The following ARAP2 variants were observed in gnomAD, a reference collection of about 807,000 sequenced individuals.
The protein encoded by ARAP2 is arf-GAP with Rho-GAP domain, ANK repeat and PH domain-containing protein 2.
ARAP2 carries 148 observed loss-of-function variants against 194.5 expected under a neutral mutation model. The ratio of observed to expected loss-of-function variants is 0.76; its 90% CI spans 0.67 to 0.87. The LOEUF (loss-of-function observed/expected upper bound fraction) is 0.87, where lower values mean the gene tolerates loss of function less well. Ranked by LOEUF, ARAP2 falls within the 40% of genes least tolerant of loss-of-function variation. The pLI is 0.00. For synonymous variants in ARAP2, 695 were observed against 683.5 expected, an observed-to-expected ratio of 1.02 and a Z score of -0.26; for missense variants, 2,128 against 1,989.7, an observed-to-expected ratio of 1.07 and a Z score of -1.32.
chr4:36,100,405 A>T (rs1716540743), intron 27 of ARAP2, among the ~76,000 whole-genome samples: 1 of 152,064 alleles, frequency 6.6e-6, no homozygotes, highest in South Asian at 2.1e-4. Flanking sequence ...ATCTTAAAAA[A>T]TTATTTGTTC....
At chr4:36,131,218 G>A (rs1340055282) in intron 20 of ARAP2, among the ~76,000 whole-genome samples, 1 of 151,354 alleles carries the variant, frequency 6.6e-6, no homozygotes, top group Non-Finnish European at 1.5e-5. Context: ...CCAACGTTCT[G>A]AATATAAATA....
At position 36,133,339 on chromosome 4, in the gene ARAP2, G is replaced by A. The variant is rs1267435395; in HGVS notation, c.3314C>T (p.Thr1105Ile). Reference sequence around the variant, plus strand: ...TGTACCTGCTGCTTTTTCAATTGCAGTATGCCAGACTGTGAAATCCAACTT... The same window carrying A: ...TGTACCTGCTGCTTTTTCAATTGCAATATGCCAGACTGTGAAATCCAACTT... ...HTKLDFTVWH[T>I]AIEKAAGTDG... The change falls in exon 20 of 33, where the codon ACT (threonine) becomes ATT (isoleucine). Residue 1105 changes from threonine to isoleucine, a missense_variant. Coordinates refer to ENST00000303965, the MANE Select transcript of ARAP2 (RefSeq NM_015230.4). 1.3e-5 allele frequency: 21 copies of A among 1,611,040 alleles called. No individual in the cohort carries two copies. Among genetic ancestry groups the A allele is most frequent in the East Asian group, 4.5e-5 (2 of 44,738 alleles).
At chr4:36,230,009 A>T (rs1368993491) in intron 1 of ARAP2, among the ~76,000 whole-genome samples, 1 of 152,252 alleles carries the variant, frequency 6.6e-6, no homozygotes. Context: ...ATAGTTCATC[A>T]GAAAGGGTTT....
At chr4:36,235,046 G>T (rs1299541191) in intron 1 of ARAP2, among the ~76,000 whole-genome samples, 1 of 152,240 alleles carries the variant, frequency 6.6e-6, no homozygotes, top group Non-Finnish European at 1.5e-5. Context: ...TCAATAAACA[G>T]CACCTTTTTA....
At chr4:36,009,953 T>C (rs1315941979) in intron 9 of ARAP2, among the ~76,000 whole-genome samples, 4 of 151,936 alleles carry the variant, frequency 2.6e-5, no homozygotes, top group African/African-American at 9.7e-5. Flanking sequence ...ACTAAATTTC[T>C]CTTTTTCCTT....
At chr4:36,171,056 C>A (rs1274930375) in intron 9 of ARAP2, among the ~76,000 whole-genome samples, 1 of 152,090 alleles carries the variant, frequency 6.6e-6, no homozygotes, top group South Asian at 2.1e-4. Flanking sequence ...AAGGACAAAA[C>A]CCAGACCAGG....
intron 5 of ARAP2, among the ~76,000 whole-genome samples, chr4:36,043,829 G>GGAAGGGAAGGGAAGT: frequency 1.7e-5 from 1 of 60,488 alleles, no homozygotes; most frequent in African/African-American, 5.8e-5. Flanking sequence ...GGAAGGGAAG[G>GGAAGGGAAGGGAAGT]GGAGGGGAGG....
chr4:36,018,629 A>T (rs1443052631), intron 6 of ARAP2, among the ~76,000 whole-genome samples: 1 of 152,222 alleles, frequency 6.6e-6, no homozygotes, highest in Non-Finnish European at 1.5e-5. Flanking sequence ...TGCAAATATG[A>T]GTAAGACTGA....
At chr4:36,102,662 T>A (rs1466724617) in intron 27 of ARAP2, among the ~76,000 whole-genome samples, 1 of 152,052 alleles carries the variant, frequency 6.6e-6, no homozygotes, top group Non-Finnish European at 1.5e-5. Context: ...ATAAACATCC[T>A]GACCTAGAGT....
At chr4:36,230,290 T>C (rs1365198106) in intron 1 of ARAP2, among the ~76,000 whole-genome samples, 2 of 152,232 alleles carry the variant, frequency 1.3e-5, no homozygotes, top group African/African-American at 4.8e-5. Context: ...ACTTTCAAGT[T>C]TTATGCAATT....
intron 17 of ARAP2, among the ~76,000 whole-genome samples, chr4:36,148,113 T>A (rs897548534): frequency 3.9e-5 from 6 of 152,166 alleles, no homozygotes; most frequent in African/African-American, 1.4e-4. Flanking sequence ...AATATCTACC[T>A]ATAAAAAGAC....
chr4:36,134,321 G>A (rs921874963), intron 19 of ARAP2, among the ~76,000 whole-genome samples: 4 of 151,438 alleles, frequency 2.6e-5, no homozygotes, highest in Non-Finnish European at 5.9e-5. Flanking sequence ...AATTTTCCAC[G>A]TACCCCACGA....
intron 29 of ARAP2, among the ~76,000 whole-genome samples, chr4:36,082,537 C>T (rs1291056771): frequency 6.6e-6 from 1 of 152,024 alleles, no homozygotes; most frequent in East Asian, 1.9e-4. Flanking sequence ...TGAGAAGATA[C>T]TCTTAACTGA....
At position 36,068,161 on chromosome 4, in the gene ARAP2, C is replaced by T. The variant is rs139714550; in HGVS notation, c.4861G>A (p.Asp1621Asn). ...MVAHCLEHKD[D>N]KLRNRPRKHR... The stretch of plus-strand genomic sequence containing the variant: ...TTTCGGGGTCGATTTCGAAGTTTAT[C>T]GTCCTTGTGCTCCAGGCAGTGGGCC... The change falls in exon 33 of 33, where the codon GAT becomes AAT. Residue 1621 changes from aspartate (D) to asparagine (N), a missense_variant. Asp to Asn is a conservative substitution (Grantham distance 23). Transcript: ENST00000303965. The T allele has an allele frequency of 4.3e-6, 7 of 1,613,854 alleles. No individual in the cohort carries two copies. Among genetic ancestry groups the T allele is most frequent in the Admixed American group, 1.7e-5 (1 of 60,008 alleles).
At chr4:36,082,686 T>G (rs1396680798) in intron 29 of ARAP2, among the ~76,000 whole-genome samples, 3 of 152,026 alleles carry the variant, frequency 2.0e-5, no homozygotes, top group African/African-American at 7.2e-5. Context: ...AAGGCAAAAG[T>G]GAAGAAATTT....
At chr4:36,051,255 A>T (rs1376822506) in intron 3 of ARAP2, among the ~76,000 whole-genome samples, 1 of 152,096 alleles carries the variant, frequency 6.6e-6, no homozygotes, top group Non-Finnish European at 1.5e-5. Flanking sequence ...TAATCCCAGC[A>T]CTTTGGGAGG....
At chr4:36,108,078 G>T (rs1018306210) in intron 26 of ARAP2, among the ~76,000 whole-genome samples, 2 of 151,448 alleles carry the variant, frequency 1.3e-5, no homozygotes, top group Non-Finnish European at 2.9e-5. Flanking sequence ...TGTCACCTAG[G>T]CTGGAGTGCA....
intron 9 of ARAP2, among the ~76,000 whole-genome samples, chr4:36,167,350 A>G (rs1310802392): frequency 6.6e-6 from 1 of 152,126 alleles, no homozygotes; most frequent in East Asian, 1.9e-4. Flanking sequence ...CATTAAAGGA[A>G]GCTAAATATT....
At chr4:36,090,014 A>C (rs1243679763) in intron 28 of ARAP2, among the ~76,000 whole-genome samples, 2 of 152,040 alleles carry the variant, frequency 1.3e-5, no homozygotes, top group Non-Finnish European at 2.9e-5. Flanking sequence ...TTAGACCACT[A>C]GCTTGACTAA....
Sources: gnomAD v4.1 joint callset for allele counts (sites outside exome capture counted in the v4.1 genomes callset) on GRCh38, gnomAD v4.1.1 for gene constraint, MANE v1.5 for transcripts, NCBI Gene and HGNC (gene_info 2026-07-23, HGNC 2026-07-21) for gene names.